ATP11A: variants seen among roughly 807,000 people sequenced by gnomAD.
ATP11A encodes phospholipid-transporting ATPase IH.
A neutral mutation model predicts 154.4 loss-of-function variants in ATP11A; 81 were observed. The observed-to-expected ratio is 0.52, with a 90% CI of 0.44 to 0.63. ATP11A has a LOEUF of 0.63. Among genes scored for constraint, ATP11A ranks in the 30% least tolerant of loss-of-function variants. The probability of loss-of-function intolerance (pLI) is 0.00; values close to 1 mark genes in which losing one functional copy is unlikely to be tolerated. For missense variants in ATP11A, 1,316 were observed against 1,474.3 expected (o/e 0.89, Z 1.76); for synonymous variants, 623 against 585.9 (o/e 1.06, Z -0.91).
chr13:112,855,592 G>T (rs1291192877), intron 19 of ATP11A, among the ~76,000 whole-genome samples: 1 of 152,234 alleles, frequency 6.6e-6, no homozygotes, highest in Non-Finnish European at 1.5e-5. Context: ...CAAGAAGGTT[G>T]AGAGTAAAGA....
chr13:112,821,292 T>C (rs1258490799), intron 8 of ATP11A, among the ~76,000 whole-genome samples: 9 of 152,228 alleles, frequency 5.9e-5, no homozygotes, highest in African/African-American at 1.9e-4. Flanking sequence ...ATACTAACTC[T>C]GGTTTCACTT....
At chr13:112,747,837 C>CAA (rs11373443) in intron 1 of ATP11A, among the ~76,000 whole-genome samples, 45 of 143,658 alleles carry the variant, frequency 3.1e-4, no homozygotes, top group African/African-American at 7.8e-4. Flanking sequence ...GACTCCATCT[C>CAA]AAAAAAAAAA....
At chr13:112,756,029 C>G (rs989581635) in intron 1 of ATP11A, among the ~76,000 whole-genome samples, 1 of 152,198 alleles carries the variant, frequency 6.6e-6, no homozygotes, top group Non-Finnish European at 1.5e-5. Context: ...CTCCCAGAAC[C>G]ATTTCCGGTC....
In ATP11A at chr13:112,775,139, C is replaced by T. The variant is rs184804586; in HGVS notation, c.40-9996C>T. ...CAGCGTTTGGTGGGACTCAGTTTATCGTTCTTTCCCTGCTTTGAGGCAGGC... is the reference window on the plus strand; with the variant it reads ...CAGCGTTTGGTGGGACTCAGTTTATTGTTCTTTCCCTGCTTTGAGGCAGGC... On this transcript the variant is annotated intron_variant, in intron 1 of 29. Transcript: ENST00000375645. Among the ~76,000 whole-genome samples the T allele has an allele frequency of 3.8e-3, 576 of 152,370 alleles. 3 individuals carry two copies. The highest frequency in any genetic ancestry group is 0.013 in the African/African-American group (543 of 41,596).
Position 112,805,054 on chromosome 13 carries a change from C to T in ATP11A, c.252+8C>T, listed in dbSNP as rs772110328. On this transcript the variant is annotated splice_region_variant and intron_variant, in intron 3 of 29. Coordinates refer to ENST00000375645, the MANE Select transcript of ATP11A (RefSeq NM_015205.3). ...ATCATATTTCTGGTGCAGGTAAGGC[C>T]GGTCATTGTTTTCCATCTCATCACA... 8.8e-6 allele frequency: 14 copies of T among 1,588,392 alleles called. No homozygotes were observed. The South Asian group carries it at 1.1e-4, about 13-fold the overall frequency.
At position 112,851,087 on chromosome 13, in the gene ATP11A, A is replaced by G; in HGVS notation, c.1860A>G (p.Glu620=). The change falls in exon 18 of 30, where the codon GAA becomes GAG. Residue 620 remains glutamate (E), a synonymous_variant. Transcript: ENST00000375645. ...CVAYKRLIQE[E]YEGICKLLQA... ...CTTATAAAAGGCTGATCCAAGAAGA[A>G]TATGAAGGCATTTGTAAGCTGCTGC... 2 of 1,614,266 alleles carry G rather than the reference A, an allele frequency of 1.2e-6. No individual in the cohort carries two copies. The highest frequency in any genetic ancestry group is 3.3e-4 in the Middle Eastern group (2 of 6,062).
rs2080144728 is a variant in ATP11A at position 112,862,579 on chromosome 13, A to G, written c.2991+4A>G. Reference sequence around the variant, plus strand: ...AACTGTGACAAGCAACGGGCAGGTCAGTACAGAGCTCGATTGCGCTGACTT... The same window carrying G: ...AACTGTGACAAGCAACGGGCAGGTCGGTACAGAGCTCGATTGCGCTGACTT... On this transcript the variant is annotated splice_donor_region_variant and intron_variant, in intron 25 of 29. Coordinates refer to ENST00000375645, the MANE Select transcript of ATP11A (RefSeq NM_015205.3). The G allele has an allele frequency of 1.2e-6, 2 of 1,614,052 alleles. No homozygotes were observed. The highest frequency in any genetic ancestry group is 2.7e-5 in the African/African-American group (2 of 74,936).
In ATP11A at chr13:112,882,693, T is replaced by C; in HGVS notation, c.*827T>C. ...GGGAGGACAAGGCCACGCCGGCAGC[T>C]TCCAGCCCTGCCGCAGAAGTGCCAG... On this transcript the variant is annotated 3_prime_UTR_variant, in exon 30 of 30. Coordinates refer to ENST00000375645, the MANE Select transcript of ATP11A (RefSeq NM_015205.3). This position sits in a 1 kb window ranked among gnomAD's most constrained non-coding sequence, Gnocchi z 5.1. 1 of 399,932 alleles carries C rather than the reference T, an allele frequency of 2.5e-6. No homozygotes were observed. Among genetic ancestry groups the C allele is most frequent in the Non-Finnish European group, 4.4e-6 (1 of 227,092 alleles). 24.8% of individuals were successfully genotyped at this position (399,932 alleles called of 1,614,324 possible). A position where few individuals can be genotyped will look rare whatever the true frequency, so the allele number is the denominator to read the frequency against.
At chr13:112,789,591 C>CAT (rs2077777579) in intron 2 of ATP11A, among the ~76,000 whole-genome samples, 1 of 134,358 alleles carries the variant, frequency 7.4e-6, no homozygotes, top group African/African-American at 2.8e-5. Context: ...GGTGTCCTGA[C>CAT]GCGTAGACCC....
At chr13:112,792,814 T>C (rs2077896705) in intron 2 of ATP11A, among the ~76,000 whole-genome samples, 1 of 152,172 alleles carries the variant, frequency 6.6e-6, no homozygotes, top group South Asian at 2.1e-4. Context: ...TGCCTCCTTT[T>C]CCAGATTTGT....
At chr13:112,796,960 C>T (rs1239056766) in intron 2 of ATP11A, among the ~76,000 whole-genome samples, 2 of 152,030 alleles carry the variant, frequency 1.3e-5, no homozygotes, top group East Asian at 1.9e-4. Context: ...GAACTGTGGA[C>T]AACTACAATA....
rs536680415 is a variant in ATP11A, at chr13:112,834,833, G to A, written c.1631+173G>A. Among the ~76,000 whole-genome samples, 11 of 152,390 alleles carry A rather than the reference G, an allele frequency of 7.2e-5. No individual in the cohort carries two copies. In the East Asian group the frequency reaches 1.3e-3, roughly 19 times the overall value. ...ACCAGAATGTTCTGGAGAAGTGCTGGACACTTAGAGAAGGGCTTGGGTGCA... is the reference window on the plus strand; with the variant it reads ...ACCAGAATGTTCTGGAGAAGTGCTGAACACTTAGAGAAGGGCTTGGGTGCA... On this transcript the variant is annotated intron_variant, in intron 15 of 29. Transcript: ENST00000375645.
At chr13:112,740,146 C>CTATA (rs1359168685) in intron 1 of ATP11A, among the ~76,000 whole-genome samples, 17 of 112,508 alleles carry the variant, frequency 1.5e-4, no homozygotes, top group Non-Finnish European at 2.6e-4. Flanking sequence ...CTCTCTCTCT[C>CTATA]TCTATATATA....
Position 112,746,538 on chromosome 13 carries a change from T to C in ATP11A, c.40-38597T>C, listed in dbSNP as rs545331000. 1 of 152,164 alleles carries C rather than the reference T, an allele frequency of 6.6e-6. No homozygotes were observed. Among genetic ancestry groups the C allele is most frequent in the African/African-American group, 2.4e-5 (1 of 41,470 alleles). 9.4% of individuals were successfully genotyped at this position (152,164 alleles called of 1,614,324 possible). A position where few individuals can be genotyped will look rare whatever the true frequency, so the allele number is the denominator to read the frequency against. On this transcript the variant is annotated intron_variant, in intron 1 of 29. Transcript: ENST00000375645. This position sits in a 1 kb window ranked among gnomAD's most constrained non-coding sequence, Gnocchi z 4.1. ...CCTGCTCCGTGTAGGTAGTATCTCATTGTGGGGTTTTGTTGTTGTTTTTTA... is the reference window on the plus strand; with the variant it reads ...CCTGCTCCGTGTAGGTAGTATCTCACTGTGGGGTTTTGTTGTTGTTTTTTA...
intron 1 of ATP11A, among the ~76,000 whole-genome samples, chr13:112,738,186 A>G (rs1443180833): frequency 1.4e-4 from 22 of 152,000 alleles, no homozygotes; most frequent in Non-Finnish European, 1.5e-5. Context: ...AGCCTGGCCA[A>G]ACATGGTGAA....
chr13:112,756,008 A>C (rs969894625), intron 1 of ATP11A, among the ~76,000 whole-genome samples: 1 of 151,612 alleles, frequency 6.6e-6, no homozygotes, highest in Non-Finnish European at 1.5e-5. Context: ...CGGAAACGGC[A>C]CTCAGAGCGG....
At chr13:112,723,495 CTCCTAACCTCAGGTGATCCGCCTGCCTTG>C (rs1252774288) in intron 1 of ATP11A, among the ~76,000 whole-genome samples, 1 of 150,034 alleles carries the variant, frequency 6.7e-6, no homozygotes, top group Non-Finnish European at 1.5e-5. Flanking sequence ...TGGTCTCAAA[CTCCTAACCTCAGGTGATCCGCCTGCCTTG>C]TCCTCCCCAA....
intron 2 of ATP11A, among the ~76,000 whole-genome samples, chr13:112,791,816 C>T (rs987829847): frequency 1.3e-5 from 2 of 152,088 alleles, no homozygotes; most frequent in Non-Finnish European, 2.9e-5. Context: ...TCCGGGGAGC[C>T]CTGCAGGTTG....
intron 1 of ATP11A, among the ~76,000 whole-genome samples, chr13:112,741,209 G>A (rs1177157982): frequency 2.6e-5 from 4 of 152,190 alleles, no homozygotes; most frequent in African/African-American, 9.7e-5. Context: ...GGGAGGTGAG[G>A]GACATGGAGC....
Sources: gnomAD v4.1 joint callset for allele counts (sites outside exome capture counted in the v4.1 genomes callset) on GRCh38, gnomAD v4.1.1 for gene constraint, Gnocchi (gnomAD v3.1) non-coding constraint, MANE v1.5 for transcripts, NCBI Gene and HGNC (gene_info 2026-07-23, HGNC 2026-07-21) for gene names.